The following NKAIN3 variants were observed in gnomAD, a reference collection of about 807,000 sequenced individuals.
NKAIN3 encodes sodium/potassium transporting ATPase interacting 3, also known as sodium/potassium-transporting ATPase subunit beta-1-interacting protein 3.
In NKAIN3, 25 loss-of-function variants were observed where a neutral mutation model predicts 30.2. That is an observed-to-expected ratio of 0.83 (90% CI 0.60 to 1.16). The LOEUF (loss-of-function observed/expected upper bound fraction) is 1.16. Ranked by LOEUF, NKAIN3 falls within the 50% of genes most tolerant of loss-of-function variation. The probability of loss-of-function intolerance (pLI) is 0.00; values close to 1 mark genes in which losing one functional copy is unlikely to be tolerated. For missense variants in NKAIN3, 225 were observed against 254.1 expected (o/e 0.89, Z 0.78); for synonymous variants, 91 against 89.6 (o/e 1.02, Z -0.09).
At chr8:62,631,349 C>G (rs1305879564) in intron 3 of NKAIN3, among the ~76,000 whole-genome samples, 1 of 152,160 alleles carries the variant, frequency 6.6e-6, no homozygotes, top group Non-Finnish European at 1.5e-5. Flanking sequence ...TCTGATATTT[C>G]TCACCTTGGT....
intron 6 of NKAIN3, among the ~76,000 whole-genome samples, chr8:62,956,761 C>T (rs1823429305): frequency 6.6e-6 from 1 of 152,086 alleles, no homozygotes; most frequent in African/African-American, 2.4e-5. Flanking sequence ...AGCCTAAGTG[C>T]TAGAGATATA....
chr8:62,262,968 A>G (rs982763498), intron 1 of NKAIN3, among the ~76,000 whole-genome samples: 4 of 152,186 alleles, frequency 2.6e-5, no homozygotes, highest in East Asian at 3.9e-4. Flanking sequence ...TTTCAACACA[A>G]CACAAAGTGA....
chr8:62,877,611 T>C (rs993836947), intron 4 of NKAIN3, among the ~76,000 whole-genome samples: 2 of 152,200 alleles, frequency 1.3e-5, no homozygotes, highest in African/African-American at 2.4e-5. Flanking sequence ...AAATTTGTAA[T>C]GCTAAAATTT....
intron 1 of NKAIN3, among the ~76,000 whole-genome samples, chr8:62,386,443 C>T (rs888950087): frequency 2.0e-5 from 3 of 152,120 alleles, no homozygotes; most frequent in African/African-American, 7.2e-5. Flanking sequence ...TTACACAGAA[C>T]GTGAAGAACA....
At chr8:62,442,565 T>C (rs1805359130) in intron 1 of NKAIN3, among the ~76,000 whole-genome samples, 1 of 151,946 alleles carries the variant, frequency 6.6e-6, no homozygotes, top group Non-Finnish European at 1.5e-5. Context: ...TCTTTTTGAC[T>C]GGTTAATGTT....
intron 1 of NKAIN3, among the ~76,000 whole-genome samples, chr8:62,578,664 T>G (rs201951765): frequency 8.5e-5 from 3 of 35,328 alleles, no homozygotes; most frequent in South Asian, 1.7e-3. Context: ...TTGTTTTTTG[T>G]TTTTTTTCCA....
chr8:62,649,525 T>C (rs1812562986), intron 3 of NKAIN3, among the ~76,000 whole-genome samples: 1 of 152,214 alleles, frequency 6.6e-6, no homozygotes, highest in African/African-American at 2.4e-5. Context: ...CTGTCATTTG[T>C]ACCCGAAAGA....
chr8:62,512,632 G>T (rs1164726555), intron 1 of NKAIN3, among the ~76,000 whole-genome samples: 1 of 152,034 alleles, frequency 6.6e-6, no homozygotes, highest in South Asian at 2.1e-4. Flanking sequence ...AAGTGACATT[G>T]GGGAAGGAGG....
chr8:62,927,395 T>A (rs1822483367), intron 5 of NKAIN3, among the ~76,000 whole-genome samples: 1 of 152,216 alleles, frequency 6.6e-6, no homozygotes, highest in South Asian at 2.1e-4. Context: ...CAATTAAAAA[T>A]TATTTTTAAT....
At chr8:62,763,397 G>C (rs1206953840) in intron 4 of NKAIN3, among the ~76,000 whole-genome samples, 2 of 152,048 alleles carry the variant, frequency 1.3e-5, no homozygotes, top group East Asian at 3.9e-4. Flanking sequence ...GTGTGTATCA[G>C]CATTTACCTT....
At chr8:62,525,955 G>A (rs1808292954) in intron 1 of NKAIN3, among the ~76,000 whole-genome samples, 1 of 152,094 alleles carries the variant, frequency 6.6e-6, no homozygotes. Flanking sequence ...TTACAACACG[G>A]TTTTTTAGAA....
At chr8:62,324,452 C>T (rs192549870) in intron 1 of NKAIN3, among the ~76,000 whole-genome samples, 42 of 152,182 alleles carry the variant, frequency 2.8e-4, no homozygotes, top group African/African-American at 9.1e-4. Context: ...CTAATTTCAA[C>T]TGACCTTTCT....
chr8:62,454,874 A>G (rs1231990585), intron 1 of NKAIN3, among the ~76,000 whole-genome samples: 1 of 152,242 alleles, frequency 6.6e-6, no homozygotes, highest in East Asian at 1.9e-4. Context: ...GGTCAGCAGC[A>G]ACAGTTTGTC....
intron 1 of NKAIN3, among the ~76,000 whole-genome samples, chr8:62,367,049 A>G (rs1354272978): frequency 6.6e-6 from 1 of 152,178 alleles, no homozygotes; most frequent in Non-Finnish European, 1.5e-5. Context: ...TTGTGGTCAG[A>G]AAAGATACTT....
intron 4 of NKAIN3, among the ~76,000 whole-genome samples, chr8:62,867,879 GTA>G (rs1438917687): frequency 5.9e-5 from 9 of 152,306 alleles, no homozygotes; most frequent in African/African-American, 2.2e-4. Flanking sequence ...TGTTTTATGT[GTA>G]TGAGTATATT....
chr8:62,562,047 A>G (rs940606513), intron 1 of NKAIN3, among the ~76,000 whole-genome samples: 1 of 152,172 alleles, frequency 6.6e-6, no homozygotes, highest in South Asian at 2.1e-4. Context: ...GTGTATCTCC[A>G]TATGACCACC....
intron 1 of NKAIN3, among the ~76,000 whole-genome samples, chr8:62,500,489 A>AG: frequency 8.0e-6 from 1 of 124,656 alleles, no homozygotes; most frequent in Middle Eastern, 3.9e-3. Flanking sequence ...AAGAAAGAAG[A>AG]AAAGAAAGAA....
chr8:62,973,143 T>G lies in NKAIN3; in HGVS notation c.*7736T>G, dbSNP rs574201441. ...GCTGCAATAAACATAGGAGTGCATG[T>G]GTCATTATAGTAGAATGATTTATAA... On this transcript the variant is annotated 3_prime_UTR_variant, in exon 7 of 7. Transcript: ENST00000623646. Among the ~76,000 whole-genome samples the G allele has an allele frequency of 5.2e-4, 79 of 152,354 alleles. No homozygotes were observed. The highest frequency in any genetic ancestry group is 1.8e-3 in the African/African-American group (74 of 41,586).
At chr8:62,301,045 G>A (rs546842463) in intron 1 of NKAIN3, among the ~76,000 whole-genome samples, 1 of 152,134 alleles carries the variant, frequency 6.6e-6, no homozygotes, top group East Asian at 1.9e-4. Context: ...AAAGACTTTA[G>A]TACATGAAGA....
Sources: gnomAD v4.1 joint callset for allele counts (sites outside exome capture counted in the v4.1 genomes callset) on GRCh38, gnomAD v4.1.1 for gene constraint, MANE v1.5 for transcripts, NCBI Gene and HGNC (gene_info 2026-07-23, HGNC 2026-07-21) for gene names.